Variants in CDC37L1 observed in about 807,000 individuals in gnomAD.
CDC37L1 encodes the protein hsp90 co-chaperone Cdc37-like 1.
In CDC37L1, 32 loss-of-function variants were observed where a neutral mutation model predicts 45.9. That is an observed-to-expected ratio of 0.70 (90% CI 0.53 to 0.94). The LOEUF is 0.94. CDC37L1 is among the 40% of genes least tolerant of loss of function. CDC37L1 has a pLI of 0.00. For missense variants in CDC37L1, 434 were observed against 405.7 expected, an observed-to-expected ratio of 1.07 and a Z score of -0.60; for synonymous variants, 150 against 133.0, an observed-to-expected ratio of 1.13 and a Z score of -0.88.
At chr9:4,681,346 G>C (rs1038676713) in intron 1 of CDC37L1, among the ~76,000 whole-genome samples, 3 of 152,130 alleles carry the variant, frequency 2.0e-5, no homozygotes, top group African/African-American at 7.2e-5. Flanking sequence ...TTTCCCTGAG[G>C]CCATGTAACT....
At chr9:4,690,041 A>G (rs1841286592) in intron 3 of CDC37L1, among the ~76,000 whole-genome samples, 1 of 152,228 alleles carries the variant, frequency 6.6e-6, no homozygotes, top group South Asian at 2.1e-4. Flanking sequence ...AATTTTGTGT[A>G]GGAAAATATC....
rs1841165544 is a variant in CDC37L1 at position 4,679,609 on chromosome 9, G to T, written c.-159G>T. ...GGTGGCGAGGCCCAGGCTGTCGCCG[G>T]GTGTGCAGCGGCGTCGCGGCCAGTA... On this transcript the variant is annotated 5_prime_UTR_variant, in exon 1 of 7. Transcript: ENST00000381854. 4.9e-6 allele frequency: 3 copies of T among 614,944 alleles called. No individual in the cohort carries two copies. Among genetic ancestry groups the T allele is most frequent in the African/African-American group, 3.8e-5 (2 of 52,586 alleles). The allele number at this position is 614,944 out of a possible 1,614,324, so 38.1% of individuals were successfully genotyped here. A position where few individuals can be genotyped will look rare whatever the true frequency, so the allele number is the denominator to read the frequency against.
In CDC37L1 at chr9:4,688,563, A is replaced by C; in HGVS notation, c.465A>C (p.Ser155=). 1.3e-6 allele frequency: 2 copies of C among 1,527,528 alleles called. No homozygotes were observed. The highest frequency in any genetic ancestry group is 1.8e-6 in the Non-Finnish European group (2 of 1,134,894). 94.6% of individuals were successfully genotyped at this position (1,527,528 alleles called of 1,614,324 possible). ...KRKDTEDEDK[S]ESFMQKYEQK... is the part of the protein sequence containing the mutation. ...AAGACACAGAAGATGAAGATAAATC[A>C]GAATCATTTATGCAAAAATATGAGC... The change falls in exon 3 of 7, where the codon TCA becomes TCC. Residue 155 remains serine, a synonymous_variant. Coordinates refer to ENST00000381854, the MANE Select transcript of CDC37L1 (RefSeq NM_017913.4).
At position 4,706,316 on chromosome 9, in the gene CDC37L1, C is replaced by T. The variant is rs1412764277; in HGVS notation, c.*204C>T. The T allele has an allele frequency of 6.0e-6, 2 of 335,960 alleles. No individual in the cohort carries two copies. The highest frequency in any genetic ancestry group is 4.5e-5 in the Admixed American group (1 of 22,062). 20.8% of individuals were successfully genotyped at this position (335,960 alleles called of 1,614,324 possible). A position where few individuals can be genotyped will look rare whatever the true frequency, so the allele number is the denominator to read the frequency against. On this transcript the variant is annotated 3_prime_UTR_variant, in exon 7 of 7. Transcript: ENST00000381854. ...TTTTGTTCTGAAGAGAAGAGTGGTA[C>T]CATATGTTGCAGGAAGTCAAACTGG...
intron 1 of CDC37L1, among the ~76,000 whole-genome samples, chr9:4,684,396 A>G (rs916594151): frequency 6.6e-6 from 1 of 152,226 alleles, no homozygotes; most frequent in Non-Finnish European, 1.5e-5. Context: ...CAAATCACCA[A>G]GGATTGGAAA....
At position 4,706,143 on chromosome 9, in the gene CDC37L1, T is replaced by TGTGCC; in HGVS notation, c.*31_*32insGTGCC. The TGTGCC allele has an allele frequency of 9.6e-7, 1 of 1,046,366 alleles. No homozygotes were observed. Among genetic ancestry groups the TGTGCC allele is most frequent in the Non-Finnish European group, 1.5e-6 (1 of 666,776 alleles). 64.8% of individuals were successfully genotyped at this position (1,046,366 alleles called of 1,614,324 possible). ...TTAAGACTGCTGAGGCCAAGTGCTA[T>TGTGCC]TTTGTTACAAGAAAGGAAGAACTTG... On this transcript the variant is annotated 3_prime_UTR_variant, in exon 7 of 7. Transcript: ENST00000381854.
chr9:4,679,825 G>A lies in CDC37L1; in HGVS notation c.58G>A (p.Ala20Thr), dbSNP rs762730773. 1.5e-5 allele frequency: 24 copies of A among 1,613,828 alleles called. No individual in the cohort carries two copies. The South Asian group carries it at 2.5e-4, about 17-fold the overall frequency. The change falls in exon 1 of 7, where the codon GCT becomes ACT. Residue 20 changes from alanine to threonine, a missense_variant. Coordinates refer to ENST00000381854, the MANE Select transcript of CDC37L1 (RefSeq NM_017913.4). Reference sequence around the variant, plus strand: ...GAGCCTCCCTCGGGCCGAGGGTGAGGCTGAGGAAGAGAGTGACTTCGACGT... The same window carrying A: ...GAGCCTCCCTCGGGCCGAGGGTGAGACTGAGGAAGAGAGTGACTTCGACGT... ...PWSLPRAEGE[A>T]EEESDFDVFP...
At chr9:4,703,345 C>G (rs1841416979) in intron 6 of CDC37L1, 1 of 316,882 alleles carries the variant, frequency 3.2e-6, no homozygotes, top group South Asian at 1.7e-4. Flanking sequence ...GTCTCTGAGC[C>G]TACTCTGGCT....
intron 1 of CDC37L1, among the ~76,000 whole-genome samples, chr9:4,681,883 T>C (rs1407766275): frequency 6.6e-6 from 1 of 152,182 alleles, no homozygotes; most frequent in African/African-American, 2.4e-5. Flanking sequence ...ATCCAATTAA[T>C]GTAAAGGCAG....
intron 1 of CDC37L1, among the ~76,000 whole-genome samples, chr9:4,682,012 G>A (rs547965989): frequency 1.3e-5 from 2 of 152,164 alleles, no homozygotes; most frequent in East Asian, 3.9e-4. Context: ...AATGTTGTCT[G>A]GGTAGTTTGT....
intron 5 of CDC37L1, among the ~76,000 whole-genome samples, chr9:4,701,198 T>C: frequency 6.6e-6 from 1 of 152,234 alleles, no homozygotes; most frequent in East Asian, 1.9e-4. Flanking sequence ...ATCATTTCTC[T>C]ATATTCAGAG....
At chr9:4,700,731 A>C (rs1416635331) in intron 5 of CDC37L1, among the ~76,000 whole-genome samples, 1 of 152,158 alleles carries the variant, frequency 6.6e-6, no homozygotes, top group Non-Finnish European at 1.5e-5. Context: ...ACATGTATTA[A>C]CTCATTAAAT....
At chr9:4,687,671 C>T (rs1224288341) in intron 2 of CDC37L1, among the ~76,000 whole-genome samples, 39 of 126,336 alleles carry the variant, frequency 3.1e-4, no homozygotes, top group South Asian at 8.2e-4. Context: ...AGAGCAAGAC[C>T]CCATCTCAAA....
In CDC37L1 at chr9:4,679,874, C is replaced by T; in HGVS notation, c.107C>T (p.Pro36Leu). The change falls in exon 1 of 7, where the codon CCG (proline) becomes CTG (leucine). Residue 36 changes from proline to leucine, a missense_variant. Transcript: ENST00000381854. ...FDVFPSSPRC[P>L]QLPGGGAQMY... is the part of the protein sequence containing the mutation. Reference sequence around the variant, plus strand: ...GTGTTCCCCAGTTCTCCCCGCTGCCCGCAGCTGCCAGGCGGCGGCGCCCAG... The same window carrying T: ...GTGTTCCCCAGTTCTCCCCGCTGCCTGCAGCTGCCAGGCGGCGGCGCCCAG... 1 of 1,613,854 alleles carries T rather than the reference C, an allele frequency of 6.2e-7. No homozygotes were observed. The highest frequency in any genetic ancestry group is 8.5e-7 in the Non-Finnish European group (1 of 1,179,952).
chr9:4,688,715 A>G (rs1841273771), intron 3 of CDC37L1, 109 bp downstream of exon 3: 3 of 673,836 alleles, frequency 4.5e-6, no homozygotes, highest in East Asian at 6.8e-5. Flanking sequence ...GCAAACTCCA[A>G]TTTTGTAGCT....
intron 4 of CDC37L1, 58 bp from the exon 5 acceptor site, chr9:4,697,699 G>T: frequency 2.4e-6 from 2 of 825,652 alleles, no homozygotes; most frequent in Middle Eastern, 3.5e-4. Context: ...ATTTGAATCA[G>T]TATGCCAATT....
At chr9:4,686,881 A>C (rs774531116) in intron 2 of CDC37L1, among the ~76,000 whole-genome samples, 1 of 152,220 alleles carries the variant, frequency 6.6e-6, no homozygotes, top group African/African-American at 2.4e-5. Flanking sequence ...GATTCCAATG[A>C]TGTAGTGCCA....
intron 3 of CDC37L1, among the ~76,000 whole-genome samples, chr9:4,690,780 A>C (rs1587618481): frequency 6.6e-6 from 1 of 152,214 alleles, no homozygotes; most frequent in Non-Finnish European, 1.5e-5. Context: ...TGTTGTCTTT[A>C]ACTTCAAAGG....
In CDC37L1 at chr9:4,679,894, G is replaced by T; in HGVS notation, c.127G>T (p.Ala43Ser). ...PRCPQLPGGGAQMYSHGIELA... is the reference protein window; with the variant it reads ...PRCPQLPGGGSQMYSHGIELA... ...CTGCCCGCAGCTGCCAGGCGGCGGCGCCCAGGTGAGAAGGGGCCTGCGTTC... is the reference window on the plus strand; with the variant it reads ...CTGCCCGCAGCTGCCAGGCGGCGGCTCCCAGGTGAGAAGGGGCCTGCGTTC... Residue 43 changes from alanine (A) to serine (S), a missense_variant, in exon 1 of 7, where the codon GCC becomes TCC. By Grantham distance (99) the Ala-to-Ser change is moderately conservative (BLOSUM62 1). Transcript: ENST00000381854. 6.2e-6 allele frequency: 10 copies of T among 1,613,704 alleles called. No individual in the cohort carries two copies. Among genetic ancestry groups the T allele is most frequent in the Non-Finnish European group, 8.5e-6 (10 of 1,179,906 alleles).
Sources: allele counts gnomAD v4.1 joint callset (sites outside exome capture counted in the v4.1 genomes callset), GRCh38; gene constraint gnomAD v4.1.1; transcripts MANE v1.5; gene names NCBI Gene and HGNC (gene_info 2026-07-23, HGNC 2026-07-21).